CGNL1: variants seen among roughly 807,000 people sequenced by gnomAD.
The protein encoded by CGNL1 is cingulin-like protein 1.
In CGNL1, 132 loss-of-function variants were observed where a neutral mutation model predicts 141.2. The ratio of observed to expected loss-of-function variants is 0.93; its 90% confidence interval spans 0.81 to 1.08. CGNL1 has a LOEUF of 1.08. CGNL1 is among the 50% of genes least tolerant of loss of function. The pLI, the probability that CGNL1 is intolerant of heterozygous loss-of-function variation, is 0.00. For synonymous variants in CGNL1, 690 were observed against 622.1 expected (o/e 1.11, Z -1.63); for missense variants, 1,870 against 1,588.6 (o/e 1.18, Z -3.01).
intron 8 of CGNL1, among the ~76,000 whole-genome samples, chr15:57,476,662 G>T (rs2063661313): frequency 6.6e-6 from 1 of 152,192 alleles, no homozygotes; most frequent in Non-Finnish European, 1.5e-5. Flanking sequence ...TAGAATTCTG[G>T]AAATGTGGGC....
intron 8 of CGNL1, among the ~76,000 whole-genome samples, chr15:57,489,092 G>C (rs2063823610): frequency 6.6e-6 from 1 of 152,196 alleles, no homozygotes; most frequent in Non-Finnish European, 1.5e-5. Context: ...AAAAGTGTAA[G>C]TTTGACTAAA....
intron 1 of CGNL1, among the ~76,000 whole-genome samples, chr15:57,432,136 G>T (rs188761119): frequency 5.6e-4 from 85 of 152,312 alleles, no homozygotes; most frequent in Admixed American, 9.8e-4. Context: ...GGCCAGCCTG[G>T]CTTGACTGAT....
intron 12 of CGNL1, 38 bp from the exon 13 acceptor site, chr15:57,528,616 G>A: frequency 6.2e-7 from 1 of 1,608,914 alleles, no homozygotes; most frequent in Non-Finnish European, 8.5e-7. Context: ...TGCTCTTGAT[G>A]CACCCCAGAA....
chr15:57,522,121 C>A (rs1208505072), intron 10 of CGNL1, among the ~76,000 whole-genome samples: 1 of 152,208 alleles, frequency 6.6e-6, no homozygotes, highest in Non-Finnish European at 1.5e-5. Context: ...CTAATTCCCC[C>A]CCACACTGAA....
chr15:57,514,430 C>T (rs146552910), intron 8 of CGNL1, among the ~76,000 whole-genome samples: 192 of 152,242 alleles, frequency 1.3e-3, no homozygotes, highest in African/African-American at 4.0e-3. Flanking sequence ...GAGACTATGA[C>T]GTAACCCACC....
intron 8 of CGNL1, among the ~76,000 whole-genome samples, chr15:57,481,958 G>C (rs1229213099): frequency 5.3e-5 from 8 of 152,138 alleles, no homozygotes; most frequent in Non-Finnish European, 8.8e-5. Context: ...TAGCCATTCT[G>C]ATAGGTATAT....
rs186922502 is a variant in CGNL1 at position 57,428,925 on chromosome 15, A to G, written c.-15-9060A>G. Among the ~76,000 whole-genome samples, 763 of 152,174 alleles carry G rather than the reference A, an allele frequency of 5.0e-3. 5 individuals are homozygous for G. Among genetic ancestry groups the G allele is most frequent in the African/African-American group, 0.017 (712 of 41,514 alleles). On this transcript the variant is annotated intron_variant, in intron 1 of 18. Coordinates refer to ENST00000281282, the MANE Select transcript of CGNL1 (RefSeq NM_032866.5). ...GTAATCCCAGCTACTCCGGAGGCTG[A>G]GGCAGGAGAATTGCTTGAACCCAGG... is the stretch of plus-strand genomic sequence containing the variant.
intron 10 of CGNL1, among the ~76,000 whole-genome samples, chr15:57,520,880 G>A (rs1567167282): frequency 6.6e-6 from 1 of 152,134 alleles, no homozygotes; most frequent in Non-Finnish European, 1.5e-5. Flanking sequence ...GACACCCATA[G>A]GCTCACCTGC....
At chr15:57,528,359 G>C (rs1380838035) in intron 12 of CGNL1, among the ~76,000 whole-genome samples, 1 of 151,980 alleles carries the variant, frequency 6.6e-6, no homozygotes, top group Non-Finnish European at 1.5e-5. Flanking sequence ...ATCAATATTT[G>C]CTAATACTCT....
In CGNL1 at chr15:57,453,771, G is replaced by T; in HGVS notation, c.2143G>T (p.Asp715Tyr). The change falls in exon 7 of 19, where the codon GAC (aspartate) becomes TAC (tyrosine). Residue 715 changes from aspartate to tyrosine, a missense_variant. Coordinates refer to ENST00000281282, the MANE Select transcript of CGNL1 (RefSeq NM_032866.5). ...GCTCTCAGAAATGCACGATGAACTG[G>T]ACAGTGCAAAGCGATCGGAGGACAG... ...DQLSEMHDEL[D>Y]SAKRSEDREK... The T allele has an allele frequency of 6.2e-7, 1 of 1,613,988 alleles. No individual in the cohort carries two copies.
In CGNL1 at chr15:57,546,117, G is replaced by C; in HGVS notation, c.3651G>C (p.Glu1217Asp). 1 of 1,614,026 alleles carries C rather than the reference G, an allele frequency of 6.2e-7. No individual in the cohort carries two copies. Among genetic ancestry groups the C allele is most frequent in the Non-Finnish European group, 8.5e-7 (1 of 1,180,002 alleles). Residue 1217 changes from glutamate to aspartate, a missense_variant, in exon 18 of 19, where the codon GAG (glutamate) becomes GAC (aspartate). Glu to Asp is a conservative substitution (Grantham distance 45). Coordinates refer to ENST00000281282, the MANE Select transcript of CGNL1 (RefSeq NM_032866.5). The part of the protein sequence containing the change: ...RLKAMKRQVE[E>D]AEEEIDRLES... ...AAGCCATGAAGCGGCAGGTGGAGGAGGCTGAGGAGGAAATCGACAGACTGG... is the reference window on the plus strand; with the variant it reads ...AAGCCATGAAGCGGCAGGTGGAGGACGCTGAGGAGGAAATCGACAGACTGG...
chr15:57,455,520 T>C (rs1475176675), intron 7 of CGNL1, among the ~76,000 whole-genome samples: 1 of 152,216 alleles, frequency 6.6e-6, no homozygotes, highest in Non-Finnish European at 1.5e-5. Flanking sequence ...CTATTTTAAC[T>C]CACTTGACGT....
At chr15:57,473,106 G>T (rs1353790514) in intron 8 of CGNL1, among the ~76,000 whole-genome samples, 1 of 152,162 alleles carries the variant, frequency 6.6e-6, no homozygotes, top group Non-Finnish European at 1.5e-5. Flanking sequence ...CAAGCCACAA[G>T]AATTGGGTGG....
intron 1 of CGNL1, among the ~76,000 whole-genome samples, chr15:57,421,377 T>C (rs747490478): frequency 7.4e-4 from 112 of 152,292 alleles, no homozygotes; most frequent in Non-Finnish European, 1.5e-3. Context: ...GAGAGGCTCT[T>C]AAACCAAATT....
rs775875629 is a variant in CGNL1, at chr15:57,451,609, G to C, written c.1905+8G>C. ...CTTCAACTGGAAGTCAAGGTATCTG[G>C]TTTTTCCTTTATGTTATTTTTTCCA... On this transcript the variant is annotated splice_region_variant and intron_variant, in intron 5 of 18. Transcript: ENST00000281282. 6.3e-7 allele frequency: 1 copy of C among 1,576,848 alleles called. No individual in the cohort carries two copies.
chr15:57,475,784 G>T (rs2922219), intron 8 of CGNL1, among the ~76,000 whole-genome samples: 122,591 of 151,856 alleles, frequency 0.81, 49,703 homozygotes, highest in Non-Finnish European at 0.83. Context: ...CTCCCTGCTT[G>T]CTTTCTTCTT....
At chr15:57,382,842 G>A (rs1047952675) in intron 1 of CGNL1, among the ~76,000 whole-genome samples, 17 of 152,240 alleles carry the variant, frequency 1.1e-4, no homozygotes, top group African/African-American at 4.1e-4. Flanking sequence ...GGGAGTTTGG[G>A]TATTCCAACT....
intron 1 of CGNL1, among the ~76,000 whole-genome samples, chr15:57,396,009 C>T (rs1300992891): frequency 6.6e-6 from 1 of 152,118 alleles, no homozygotes; most frequent in Non-Finnish European, 1.5e-5. Context: ...TTCATAAAAA[C>T]AGAATCATAT....
chr15:57,450,133 A>T (rs1378651493), intron 4 of CGNL1, among the ~76,000 whole-genome samples: 3 of 152,192 alleles, frequency 2.0e-5, no homozygotes, highest in African/African-American at 7.2e-5. Context: ...AAACAACCAT[A>T]CCATTTTCTA....
Sources: gnomAD v4.1 joint callset for allele counts (sites outside exome capture counted in the v4.1 genomes callset) on GRCh38, gnomAD v4.1.1 for gene constraint, MANE v1.5 for transcripts, NCBI Gene and HGNC (gene_info 2026-07-23, HGNC 2026-07-21) for gene names.